SLC9A9: variants seen among roughly 807,000 people sequenced by gnomAD.
SLC9A9 encodes solute carrier family 9 member A9, also known as sodium/hydrogen exchanger 9.
A neutral mutation model predicts 77.8 loss-of-function variants in SLC9A9; 62 were observed. The observed-to-expected ratio is 0.80, with a 90% CI of 0.65 to 0.98. SLC9A9 has a LOEUF of 0.98. SLC9A9 is among the 50% of genes least tolerant of loss of function. SLC9A9 has a pLI of 0.00. For synonymous variants in SLC9A9, 320 were observed against 283.5 expected (o/e 1.13, Z -1.29); for missense variants, 775 against 774.9 (o/e 1.00, Z 0.00).
intron 1 of SLC9A9, among the ~76,000 whole-genome samples, chr3:143,842,549 A>G (rs2009734695): frequency 6.6e-6 from 1 of 152,228 alleles, no homozygotes; most frequent in Non-Finnish European, 1.5e-5. Flanking sequence ...TTTTACACCA[A>G]AAGGGAGAAG....
intron 12 of SLC9A9, among the ~76,000 whole-genome samples, chr3:143,388,258 A>G (rs1448474188): frequency 2.0e-5 from 3 of 152,192 alleles, no homozygotes; most frequent in African/African-American, 7.2e-5. Context: ...GAGTTTGTGT[A>G]AGACCAACAT....
intron 8 of SLC9A9, among the ~76,000 whole-genome samples, chr3:143,569,817 T>C (rs553271663): frequency 6.7e-6 from 1 of 148,424 alleles, no homozygotes; most frequent in East Asian, 1.9e-4. Flanking sequence ...TTTTTTTCTT[T>C]TTTTTTTTTT....
intron 13 of SLC9A9, among the ~76,000 whole-genome samples, chr3:143,380,751 C>T (rs2033283750): frequency 6.6e-6 from 1 of 152,218 alleles, no homozygotes; most frequent in Non-Finnish European, 1.5e-5. Flanking sequence ...TACATGAGAG[C>T]CAGGATCATC....
At chr3:143,471,355 T>C (rs2035375463) in intron 11 of SLC9A9, among the ~76,000 whole-genome samples, 1 of 152,224 alleles carries the variant, frequency 6.6e-6, no homozygotes, top group South Asian at 2.1e-4. Flanking sequence ...CATTGATTCA[T>C]TTAAAGTGTG....
At chr3:143,660,938 G>A (rs1173560696) in intron 5 of SLC9A9, among the ~76,000 whole-genome samples, 2 of 152,206 alleles carry the variant, frequency 1.3e-5, no homozygotes, top group Non-Finnish European at 2.9e-5. Context: ...CTCTGTTGCT[G>A]ATGTAATTTT....
chr3:143,648,177 C>T (rs2038734754), intron 6 of SLC9A9, among the ~76,000 whole-genome samples: 1 of 152,070 alleles, frequency 6.6e-6, no homozygotes, highest in Non-Finnish European at 1.5e-5. Context: ...AACAACTATT[C>T]TCACATTTTC....
intron 5 of SLC9A9, among the ~76,000 whole-genome samples, chr3:143,663,369 A>G (rs1341190795): frequency 6.6e-6 from 1 of 152,274 alleles, no homozygotes; most frequent in Non-Finnish European, 1.5e-5. Context: ...AAACAAGAGC[A>G]GAAAAGCTGA....
chr3:143,756,698 A>G (rs568976806), intron 4 of SLC9A9, among the ~76,000 whole-genome samples: 39 of 152,334 alleles, frequency 2.6e-4, no homozygotes, highest in African/African-American at 8.4e-4. Context: ...GAATAGTCAC[A>G]TTATAAAACT....
chr3:143,277,661 A>G (rs940748052), intron 14 of SLC9A9, among the ~76,000 whole-genome samples: 13 of 152,220 alleles, frequency 8.5e-5, no homozygotes, highest in Non-Finnish European at 1.3e-4. Flanking sequence ...TTTGAAAGAA[A>G]ACATTTCTGG....
At position 143,844,939 on chromosome 3, in the gene SLC9A9, A is replaced by G. The variant is rs376038437; in HGVS notation, c.175+3209T>C. On this transcript the variant is annotated intron_variant, in intron 1 of 15. Coordinates refer to ENST00000316549, the MANE Select transcript of SLC9A9 (RefSeq NM_173653.4). Reference sequence around the variant, plus strand: ...ATGCCCCCCTGCTCTTGCAAAAGCTAAGAGTTTAATCCTTTAATGGAAAGG... The same window carrying G: ...ATGCCCCCCTGCTCTTGCAAAAGCTGAGAGTTTAATCCTTTAATGGAAAGG... 3.9e-5 allele frequency among the ~76,000 whole-genome samples: 6 copies of G among 152,002 alleles called. No homozygotes were observed. In the East Asian group the frequency reaches 9.7e-4, roughly 25 times the overall value.
intron 12 of SLC9A9, among the ~76,000 whole-genome samples, chr3:143,445,408 G>C (rs1371461782): frequency 6.6e-6 from 1 of 152,116 alleles, no homozygotes; most frequent in Non-Finnish European, 1.5e-5. Flanking sequence ...TTGACCAATG[G>C]AATGTGAGTA....
chr3:143,300,941 A>G (rs2030491685), intron 14 of SLC9A9, among the ~76,000 whole-genome samples: 1 of 152,130 alleles, frequency 6.6e-6, no homozygotes, highest in African/African-American at 2.4e-5. Context: ...AACCTTTTAA[A>G]CCTTTATTTT....
At chr3:143,803,385 A>G (rs2008620699) in intron 2 of SLC9A9, among the ~76,000 whole-genome samples, 1 of 152,178 alleles carries the variant, frequency 6.6e-6, no homozygotes, top group Non-Finnish European at 1.5e-5. Context: ...ACTTGGGCAG[A>G]GCCCCCAAAA....
chr3:143,609,222 GAC>G (rs1161444657), intron 6 of SLC9A9, among the ~76,000 whole-genome samples: 7 of 152,066 alleles, frequency 4.6e-5, no homozygotes, highest in Admixed American at 2.0e-4. Context: ...AACAGTTCTG[GAC>G]ACAGTGTTCC....
intron 2 of SLC9A9, among the ~76,000 whole-genome samples, chr3:143,823,784 TATAAG>T (rs2009230762): frequency 6.6e-6 from 1 of 151,894 alleles, no homozygotes. Flanking sequence ...TTTAATAAAA[TATAAG>T]ATATTATATT....
chr3:143,831,940 A>G (rs535453638), intron 2 of SLC9A9, 79 bp downstream of exon 2: 1 of 1,319,060 alleles, frequency 7.6e-7, no homozygotes, highest in African/African-American at 1.5e-5. Flanking sequence ...AATGCATTAT[A>G]TAAAAAGTAT....
intron 12 of SLC9A9, among the ~76,000 whole-genome samples, chr3:143,450,603 T>TTGG (rs10643048): frequency 0.77 from 117,283 of 151,822 alleles, 46,493 homozygotes; most frequent in East Asian, 1. Flanking sequence ...ATGCCTCCTA[T>TTGG]TTAATGAAAA....
intron 11 of SLC9A9, among the ~76,000 whole-genome samples, chr3:143,467,913 A>C (rs1277787640): frequency 6.6e-6 from 1 of 152,204 alleles, no homozygotes; most frequent in African/African-American, 2.4e-5. Flanking sequence ...ATATAAATGG[A>C]ACCATGCAGT....
At chr3:143,821,244 A>T (rs910692033) in intron 2 of SLC9A9, among the ~76,000 whole-genome samples, 2 of 152,272 alleles carry the variant, frequency 1.3e-5, no homozygotes, top group Non-Finnish European at 2.9e-5. Flanking sequence ...CTCCAAGGGG[A>T]AATCCATGCC....
Sources: gnomAD v4.1 joint callset for allele counts (sites outside exome capture counted in the v4.1 genomes callset) on GRCh38, gnomAD v4.1.1 for gene constraint, MANE v1.5 for transcripts, NCBI Gene and HGNC (gene_info 2026-07-23, HGNC 2026-07-21) for gene names.